The following RAB31 variants were observed in gnomAD, a reference collection of about 807,000 sequenced individuals.
RAB31 encodes ras-related protein Rab-31.
RAB31 carries 21 observed loss-of-function variants against 25.6 expected under a neutral mutation model. The observed-to-expected ratio is 0.82, with a 90% CI of 0.58 to 1.18. RAB31 has a LOEUF of 1.18. RAB31 is among the 50% of genes most tolerant of loss of function. RAB31 has a pLI of 0.00. For synonymous variants in RAB31, 87 were observed against 84.0 expected, an observed-to-expected ratio of 1.04 and a Z score of -0.20; for missense variants, 196 against 250.1, an observed-to-expected ratio of 0.78 and a Z score of 1.46.
At chr18:9,836,885 G>C (rs79530636) in intron 5 of RAB31, among the ~76,000 whole-genome samples, 32 of 113,634 alleles carry the variant, frequency 2.8e-4, no homozygotes, top group Non-Finnish European at 6.0e-4. Context: ...GTGAAACACA[G>C]GGAGAGAGTC....
intron 3 of RAB31, among the ~76,000 whole-genome samples, chr18:9,806,543 C>G (rs2068542597): frequency 6.6e-6 from 1 of 151,790 alleles, no homozygotes; most frequent in Non-Finnish European, 1.5e-5. Context: ...GGGCTGGAGA[C>G]AAGCAGGGGA....
At chr18:9,822,186 A>G (rs2068627502) in intron 5 of RAB31, among the ~76,000 whole-genome samples, 2 of 152,158 alleles carry the variant, frequency 1.3e-5, no homozygotes, top group African/African-American at 2.4e-5. Context: ...TTTTTTGACA[A>G]AGATGCAAAG....
chr18:9,859,304 A>C lies in RAB31; in HGVS notation c.567A>C (p.Gln189His), dbSNP rs749691884. 2 of 1,613,342 alleles carry C rather than the reference A, an allele frequency of 1.2e-6. No individual in the cohort carries two copies. Among genetic ancestry groups the C allele is most frequent in the Non-Finnish European group, 1.7e-6 (2 of 1,179,360 alleles). The stretch of plus-strand genomic sequence containing the variant: ...TCAAAGTTGAGAAGCCAACCATGCA[A>C]GCCAGCCGCCGGTGCTGTTGACCCA... Reference protein sequence around the residue: ...GTIKVEKPTMQASRRCC With the variant: ...GTIKVEKPTMHASRRCC The change falls in exon 7 of 7, where the codon CAA becomes CAC. Residue 189 changes from glutamine (Q) to histidine (H), a missense_variant. Coordinates refer to ENST00000578921, the MANE Select transcript of RAB31 (RefSeq NM_006868.4).
At chr18:9,795,308 G>A (rs1247114995) in intron 3 of RAB31, among the ~76,000 whole-genome samples, 2 of 152,072 alleles carry the variant, frequency 1.3e-5, no homozygotes, top group African/African-American at 4.8e-5. Flanking sequence ...CATTGGAGAA[G>A]CCCTTCAAGA....
chr18:9,756,411 T>C (rs1420124937), intron 1 of RAB31, among the ~76,000 whole-genome samples: 1 of 152,202 alleles, frequency 6.6e-6, no homozygotes, highest in Non-Finnish European at 1.5e-5. Flanking sequence ...CTGTACAGTT[T>C]GCAAGTGTGC....
chr18:9,721,614 TAAAA>T (rs34653831), intron 1 of RAB31, among the ~76,000 whole-genome samples: 1 of 143,438 alleles, frequency 7.0e-6, no homozygotes. Context: ...AGACTCCATC[TAAAA>T]AAAAAAAAAA....
At chr18:9,798,216 G>C (rs2068496020) in intron 3 of RAB31, among the ~76,000 whole-genome samples, 1 of 152,208 alleles carries the variant, frequency 6.6e-6, no homozygotes, top group Non-Finnish European at 1.5e-5. Flanking sequence ...GAGAGTGTGT[G>C]ACTGATATCC....
intron 6 of RAB31, among the ~76,000 whole-genome samples, chr18:9,846,497 T>C (rs1020226132): frequency 6.6e-6 from 1 of 152,178 alleles, no homozygotes. Flanking sequence ...ATCAGGGACG[T>C]TGGGAGAAGT....
intron 3 of RAB31, among the ~76,000 whole-genome samples, chr18:9,793,060 C>T (rs917001839): frequency 2.0e-5 from 3 of 152,186 alleles, no homozygotes; most frequent in African/African-American, 4.8e-5. Flanking sequence ...TTGCTGGATA[C>T]TTGCATAATA....
At chr18:9,813,688 A>G (rs2068586428) in intron 3 of RAB31, among the ~76,000 whole-genome samples, 1 of 152,074 alleles carries the variant, frequency 6.6e-6, no homozygotes, top group Non-Finnish European at 1.5e-5. Context: ...TCTGTCTCTA[A>G]TAAAAATGCA....
intron 5 of RAB31, among the ~76,000 whole-genome samples, chr18:9,833,052 G>A (rs1336799897): frequency 3.3e-5 from 5 of 152,108 alleles, no homozygotes; most frequent in Non-Finnish European, 5.9e-5. Context: ...AAAGGTGCAC[G>A]AAAACGTGAA....
At chr18:9,758,029 C>G (rs1261747224) in intron 1 of RAB31, 1 of 152,292 alleles carries the variant, frequency 6.6e-6, no homozygotes, top group African/African-American at 2.4e-5. Flanking sequence ...TTCCGCACAT[C>G]CCTTCTGAAG....
At chr18:9,831,428 A>G (rs1171720928) in intron 5 of RAB31, among the ~76,000 whole-genome samples, 2 of 152,250 alleles carry the variant, frequency 1.3e-5, no homozygotes, top group African/African-American at 4.8e-5. Flanking sequence ...CCGGCCCTAT[A>G]GTCGGCCTGA....
intron 5 of RAB31, among the ~76,000 whole-genome samples, chr18:9,833,445 C>T (rs546239956): frequency 1.3e-5 from 2 of 152,296 alleles, no homozygotes; most frequent in South Asian, 4.1e-4. Context: ...TCTGTTTTCC[C>T]TGTAACCAGG....
chr18:9,857,374 C>T (rs929103914), intron 6 of RAB31, among the ~76,000 whole-genome samples: 5 of 152,082 alleles, frequency 3.3e-5, no homozygotes, highest in Non-Finnish European at 7.4e-5. Flanking sequence ...TTAGGTAACA[C>T]CCACTTGCAT....
intron 3 of RAB31, 95 bp downstream of exon 3, chr18:9,792,330 A>G: frequency 4.7e-6 from 7 of 1,488,632 alleles, no homozygotes; most frequent in Non-Finnish European, 5.4e-6. Context: ...TCTTGGTTGC[A>G]GGTGACAGAA....
At chr18:9,745,973 G>A (rs747944671) in intron 1 of RAB31, among the ~76,000 whole-genome samples, 3 of 152,174 alleles carry the variant, frequency 2.0e-5, no homozygotes, top group Non-Finnish European at 2.9e-5. Context: ...GAAGAAAGAA[G>A]TAAAACTATC....
At chr18:9,724,654 C>T (rs1002053218) in intron 1 of RAB31, among the ~76,000 whole-genome samples, 1 of 152,192 alleles carries the variant, frequency 6.6e-6, no homozygotes, top group Non-Finnish European at 1.5e-5. Context: ...TGGTACATAG[C>T]CCTGGAATGC....
intron 5 of RAB31, among the ~76,000 whole-genome samples, chr18:9,818,729 A>T (rs1010023873): frequency 6.6e-6 from 1 of 152,140 alleles, no homozygotes. Flanking sequence ...TCACATGATA[A>T]CTCTTTGTAA....
Sources: gnomAD v4.1 joint callset for allele counts (sites outside exome capture counted in the v4.1 genomes callset) on GRCh38, gnomAD v4.1.1 for gene constraint, MANE v1.5 for transcripts, NCBI Gene and HGNC (gene_info 2026-07-23, HGNC 2026-07-21) for gene names.